Variants in PCDH7 observed in about 807,000 individuals in gnomAD.
The protein encoded by PCDH7 is protocadherin 7, also known as protocadherin-7.
PCDH7 carries 17 observed loss-of-function variants against 58.9 expected under a neutral mutation model. That is an observed-to-expected ratio of 0.29 (90% CI 0.20 to 0.43). The LOEUF (loss-of-function observed/expected upper bound fraction) is 0.43, where lower values mean the gene tolerates loss of function less well. PCDH7 is among the 20% of genes least tolerant of loss of function. The pLI is 1.00. For missense variants in PCDH7, 1,274 were observed against 1,441.0 expected (o/e 0.88, Z 1.88); for synonymous variants, 664 against 616.4 (o/e 1.08, Z -1.14).
At chr4:30,874,015 G>A (rs1735952078) in intron 1 of PCDH7, among the ~76,000 whole-genome samples, 1 of 152,068 alleles carries the variant, frequency 6.6e-6, no homozygotes, top group Admixed American at 6.6e-5. Flanking sequence ...TAGTGAAATT[G>A]AATGGCAATC....
intron 3 of PCDH7, among the ~76,000 whole-genome samples, chr4:30,982,677 A>G (rs932260128): frequency 4.6e-5 from 7 of 152,184 alleles, no homozygotes; most frequent in Non-Finnish European, 5.9e-5. Context: ...ATAAAATGCT[A>G]TTATGAAGGA....
intron 3 of PCDH7, among the ~76,000 whole-genome samples, chr4:31,018,957 A>G (rs1202635120): frequency 6.6e-6 from 1 of 152,200 alleles, no homozygotes; most frequent in Non-Finnish European, 1.5e-5. Flanking sequence ...AGTGTCATTA[A>G]AGCTTAAGAT....
intron 1 of PCDH7, among the ~76,000 whole-genome samples, chr4:30,768,733 T>C (rs1252071117): frequency 6.6e-6 from 1 of 152,228 alleles, no homozygotes; most frequent in Non-Finnish European, 1.5e-5. Context: ...TTTTAAAATT[T>C]CAATTATTAT....
chr4:30,828,880 G>A (rs976403133), intron 1 of PCDH7, among the ~76,000 whole-genome samples: 1 of 151,844 alleles, frequency 6.6e-6, no homozygotes, highest in Non-Finnish European at 1.5e-5. Context: ...AATAGTGACA[G>A]TTAATCAATA....
chr4:30,810,689 G>T (rs1726881478), intron 1 of PCDH7, among the ~76,000 whole-genome samples: 2 of 149,878 alleles, frequency 1.3e-5, no homozygotes, highest in Non-Finnish European at 2.9e-5. Context: ...TCTGCTCACT[G>T]CAACCTCTGC....
chr4:31,071,475 C>T (rs1270297454), intron 3 of PCDH7, among the ~76,000 whole-genome samples: 1 of 151,964 alleles, frequency 6.6e-6, no homozygotes, highest in Non-Finnish European at 1.5e-5. Flanking sequence ...TAACGTTGAA[C>T]ATATATTTGA....
At chr4:30,900,941 C>A (rs1206303329) in intron 1 of PCDH7, among the ~76,000 whole-genome samples, 3 of 152,106 alleles carry the variant, frequency 2.0e-5, no homozygotes, top group African/African-American at 7.2e-5. Context: ...TGTCTTATGA[C>A]AAGTGTTAGA....
chr4:31,093,646 C>T (rs569447479), intron 3 of PCDH7, among the ~76,000 whole-genome samples: 2 of 152,030 alleles, frequency 1.3e-5, no homozygotes, highest in African/African-American at 2.4e-5. Context: ...AAAACTTAAA[C>T]GTAAGCTTTT....
chr4:30,986,023 AT>A (rs1447645894), intron 3 of PCDH7, among the ~76,000 whole-genome samples: 2 of 152,238 alleles, frequency 1.3e-5, no homozygotes, highest in African/African-American at 4.8e-5. Flanking sequence ...GACTTTTTAA[AT>A]TCAAAGCTTA....
intron 3 of PCDH7, among the ~76,000 whole-genome samples, chr4:31,012,331 GGTT>G (rs1553926159): frequency 2.2e-5 from 3 of 139,266 alleles, no homozygotes; most frequent in East Asian, 3.7e-4. Flanking sequence ...TTGTCATGTT[GGTT>G]TATTATTGCT....
At chr4:31,011,107 C>T (rs1426425008) in intron 3 of PCDH7, among the ~76,000 whole-genome samples, 1 of 151,760 alleles carries the variant, frequency 6.6e-6, no homozygotes, top group Non-Finnish European at 1.5e-5. Flanking sequence ...CCATTGTGAT[C>T]AAAATAAGTC....
chr4:31,120,832 C>G (rs1489392623), intron 3 of PCDH7, among the ~76,000 whole-genome samples: 2 of 152,098 alleles, frequency 1.3e-5, no homozygotes, highest in Non-Finnish European at 2.9e-5. Context: ...CATTTGGTAT[C>G]TGTTTCTTAT....
At chr4:30,781,383 G>A (rs1294489868) in intron 1 of PCDH7, among the ~76,000 whole-genome samples, 25 of 151,918 alleles carry the variant, frequency 1.6e-4, no homozygotes, top group Non-Finnish European at 3.4e-4. Flanking sequence ...CTCGTGAACC[G>A]CCGGCCTCGG....
intron 3 of PCDH7, among the ~76,000 whole-genome samples, chr4:31,117,529 A>G (rs921291652): frequency 4.6e-5 from 7 of 152,298 alleles, no homozygotes; most frequent in Middle Eastern, 3.4e-3. Context: ...CATGTATTAC[A>G]AAATGTGCCA....
chr4:30,816,489 T>A (rs186147985), intron 1 of PCDH7, among the ~76,000 whole-genome samples: 71 of 152,272 alleles, frequency 4.7e-4, no homozygotes, highest in Middle Eastern at 3.4e-3. Flanking sequence ...TTATGTTGTA[T>A]CTTTTAAATT....
intron 1 of PCDH7, among the ~76,000 whole-genome samples, chr4:30,820,645 T>G (rs1166339381): frequency 6.6e-6 from 1 of 151,988 alleles, no homozygotes; most frequent in East Asian, 1.9e-4. Context: ...TTTGAGAATA[T>G]GTAGGTCACA....
intron 2 of PCDH7, among the ~76,000 whole-genome samples, chr4:30,923,280 T>G (rs1046757259): frequency 6.6e-6 from 1 of 152,160 alleles, no homozygotes; most frequent in Non-Finnish European, 1.5e-5. Flanking sequence ...AATTCCAATG[T>G]CATGCTAACA....
chr4:31,082,902 A>G lies in PCDH7; in HGVS notation c.*8-59571A>G, dbSNP rs539775555. ...GGTGGGCGGATCACGAGGTCAGGAG[A>G]TCGAGACCATCCTGGCTAACATGGT... On this transcript the variant is annotated intron_variant, in intron 3 of 3. Transcript: ENST00000509759. 6.6e-5 allele frequency among the ~76,000 whole-genome samples: 10 copies of G among 152,092 alleles called. No homozygotes were observed. The South Asian group carries it at 1.5e-3, about 22-fold the overall frequency.
intron 1 of PCDH7, among the ~76,000 whole-genome samples, chr4:30,826,951 T>A (rs1038679098): frequency 1.3e-5 from 2 of 152,054 alleles, no homozygotes; most frequent in African/African-American, 4.8e-5. Flanking sequence ...TAGGAATTCT[T>A]ATTTTTAACT....
Sources: allele counts gnomAD v4.1 joint callset (sites outside exome capture counted in the v4.1 genomes callset), GRCh38; gene constraint gnomAD v4.1.1; transcripts MANE v1.5; gene names NCBI Gene and HGNC (gene_info 2026-07-23, HGNC 2026-07-21).